The following RASGRP4 variants were observed in gnomAD, a reference collection of about 807,000 sequenced individuals.
The protein encoded by RASGRP4 is RAS guanyl-releasing protein 4.
Under a neutral mutation model 84.4 loss-of-function variants are expected in RASGRP4, and 52 were observed. That is an observed-to-expected ratio of 0.62 (90% CI 0.49 to 0.78). The LOEUF is 0.78. Among genes scored for constraint, RASGRP4 ranks in the 30% least tolerant of loss-of-function variants. The pLI is 0.00. For synonymous variants in RASGRP4, 356 were observed against 359.1 expected, an observed-to-expected ratio of 0.99 and a Z score of 0.10; for missense variants, 760 against 886.9, an observed-to-expected ratio of 0.86 and a Z score of 1.82.
In RASGRP4 at chr19:38,417,440, A is replaced by G. The variant is rs1347288986; in HGVS notation, c.838-272T>C. On this transcript the variant is annotated intron_variant, in intron 7 of 16. Transcript: ENST00000615439. This position sits in a 1 kb window ranked among gnomAD's most constrained non-coding sequence, Gnocchi z 5.1. Reference sequence around the variant, plus strand: ...ATCTGGGGAGACAGGAAGTACGAGAAGTTGGGCGGATTTGGGGAATAGACA... The same window carrying G: ...ATCTGGGGAGACAGGAAGTACGAGAGGTTGGGCGGATTTGGGGAATAGACA... Among the ~76,000 whole-genome samples, 1 of 152,106 alleles carries G rather than the reference A, an allele frequency of 6.6e-6. No individual in the cohort carries two copies. The highest frequency in any genetic ancestry group is 1.5e-5 in the Non-Finnish European group (1 of 68,016).
At chr19:38,425,316 G>A (rs1325333113) in intron 1 of RASGRP4, among the ~76,000 whole-genome samples, 1 of 152,156 alleles carries the variant, frequency 6.6e-6, no homozygotes, top group African/African-American at 2.4e-5. Context: ...GTCTCATTGA[G>A]TACTTACAGG....
At chr19:38,421,824 G>C in intron 2 of RASGRP4, 145 bp downstream of exon 2, 2 of 528,450 alleles carry the variant, frequency 3.8e-6, no homozygotes, top group Non-Finnish European at 6.6e-6. Flanking sequence ...AAGAAATGCA[G>C]GTGTTTCTGT....
chr19:38,424,559 A>G (rs1273037758), intron 1 of RASGRP4, among the ~76,000 whole-genome samples: 1 of 144,336 alleles, frequency 6.9e-6, no homozygotes, highest in Non-Finnish European at 1.5e-5. Flanking sequence ...AGCTGGGACT[A>G]CAGGTGTGCA....
chr19:38,412,777 C>A lies in RASGRP4; in HGVS notation c.1575G>T (p.Leu525=). The change falls in exon 13 of 17, where the codon CTG becomes CTT. Residue 525 remains leucine, a synonymous_variant. Transcript: ENST00000615439. The surrounding 1 kb of genome is among the most constrained non-coding windows in gnomAD (Gnocchi z 4.6). ...TGGAGCAGATGGCGCTGGCCCGGAGCAGGTACCCTGTCAGCTCCTCTCTGC... is the reference window on the plus strand; with the variant it reads ...TGGAGCAGATGGCGCTGGCCCGGAGAAGGTACCCTGTCAGCTCCTCTCTGC... The part of the protein sequence containing the change: ...SFSREELTGY[L]LRASAICSKL... The A allele has an allele frequency of 6.2e-7, 1 of 1,607,738 alleles. No individual in the cohort carries two copies. The highest frequency in any genetic ancestry group is 8.5e-7 in the Non-Finnish European group (1 of 1,176,990).
Position 38,417,002 on chromosome 19 carries a change from G to T in RASGRP4, c.954+50C>A. 2 of 1,101,262 alleles carry T rather than the reference G, an allele frequency of 1.8e-6. No homozygotes were observed. Among genetic ancestry groups the T allele is most frequent in the Admixed American group, 2.0e-5 (1 of 50,446 alleles). The allele number at this position is 1,101,262 out of a possible 1,614,324, so 68.2% of individuals were successfully genotyped here. A position where few individuals can be genotyped will look rare whatever the true frequency, so the allele number is the denominator to read the frequency against. ...AGGGCTTGGGGAATTAGGTGTGGGGGCTCAAGACAGCTGACCACTTGGAGC... is the reference window on the plus strand; with the variant it reads ...AGGGCTTGGGGAATTAGGTGTGGGGTCTCAAGACAGCTGACCACTTGGAGC... On this transcript the variant is annotated intron_variant, in intron 8 of 16. Coordinates refer to ENST00000615439, the MANE Select transcript of RASGRP4 (RefSeq NM_170604.3). This position sits in a 1 kb window ranked among gnomAD's most constrained non-coding sequence, Gnocchi z 5.1.
Position 38,409,135 on chromosome 19 carries a change from G to T in RASGRP4, c.*905C>A. 4 of 302,740 alleles carry T rather than the reference G, an allele frequency of 1.3e-5. No homozygotes were observed. The highest frequency in any genetic ancestry group is 2.4e-5 in the African/African-American group (1 of 41,784). The allele number at this position is 302,740 out of a possible 1,614,324, so 18.8% of individuals were successfully genotyped here. On this transcript the variant is annotated 3_prime_UTR_variant, in exon 17 of 17. Coordinates refer to ENST00000615439, the MANE Select transcript of RASGRP4 (RefSeq NM_170604.3). ...CCAAGTCAGGGGTGTTGGGGTTTGTGAAGGGGTTGGGGGGGTCTCTGCTCC... is the reference window on the plus strand; with the variant it reads ...CCAAGTCAGGGGTGTTGGGGTTTGTTAAGGGGTTGGGGGGGTCTCTGCTCC...
rs1477215248 is a variant in RASGRP4 at position 38,410,753 on chromosome 19, C to T, written c.1965+133G>A. 4 of 659,066 alleles carry T rather than the reference C, an allele frequency of 6.1e-6. No homozygotes were observed. In the Admixed American group the frequency reaches 1.0e-4, roughly 17 times the overall value. The allele number at this position is 659,066 out of a possible 1,614,324, so 40.8% of individuals were successfully genotyped here. A position where few individuals can be genotyped will look rare whatever the true frequency, so the allele number is the denominator to read the frequency against. On this transcript the variant is annotated intron_variant, in intron 16 of 16. Coordinates refer to ENST00000615439, the MANE Select transcript of RASGRP4 (RefSeq NM_170604.3). The stretch of plus-strand genomic sequence containing the variant: ...TATTAAAAAGTAACCAGTATCCATA[C>T]CCTCCTACCCCAGCAGTCAAGGACT...
Position 38,412,298 on chromosome 19 carries a change from A to G in RASGRP4, c.1680+374T>C, listed in dbSNP as rs1971295727. 1 of 187,270 alleles carries G rather than the reference A, an allele frequency of 5.3e-6. No homozygotes were observed. The highest frequency in any genetic ancestry group is 1.1e-5 in the Non-Finnish European group (1 of 88,960). 11.6% of individuals were successfully genotyped at this position (187,270 alleles called of 1,614,324 possible). On this transcript the variant is annotated intron_variant, in intron 13 of 16. Coordinates refer to ENST00000615439, the MANE Select transcript of RASGRP4 (RefSeq NM_170604.3). This position sits in a 1 kb window ranked among gnomAD's most constrained non-coding sequence, Gnocchi z 4.6. ...ACATGCAGCTAATTTTTGTATTTTT[A>G]GTAGAGACGGGGTCTCTCTTGCTAT...
Position 38,409,953 on chromosome 19 carries a change from A to G in RASGRP4, c.*87T>C. ...GGAAGGCGGATGCCTCTGGAGGCCT[A>G]CCTCTGGGAGCCCTGCCAGAGTCTG... On this transcript the variant is annotated 3_prime_UTR_variant, in exon 17 of 17. Coordinates refer to ENST00000615439, the MANE Select transcript of RASGRP4 (RefSeq NM_170604.3). The G allele has an allele frequency of 1.9e-6, 2 of 1,073,486 alleles. No individual in the cohort carries two copies. The highest frequency in any genetic ancestry group is 2.7e-6 in the Non-Finnish European group (2 of 729,406). The allele number at this position is 1,073,486 out of a possible 1,614,324, so 66.5% of individuals were successfully genotyped here.
rs147454395 is a variant in RASGRP4, at chr19:38,421,399, G to A, written c.209-199C>T. On this transcript the variant is annotated intron_variant, in intron 2 of 16. Transcript: ENST00000615439. ...CATGGGGCAGCATCACCCCTGGCAA[G>A]TCTTGCTGAAGATTGAAATAGCACC... Among the ~76,000 whole-genome samples, 589 of 152,310 alleles carry A rather than the reference G, an allele frequency of 3.9e-3. 5 individuals carry two copies. Among genetic ancestry groups the A allele is most frequent in the African/African-American group, 0.013 (540 of 41,572 alleles).
rs1418111611 is a variant in RASGRP4 at position 38,418,232 on chromosome 19, C to G, written c.837+159G>C. The stretch of plus-strand genomic sequence containing the variant: ...GACATCAAGGCCAAAGAAGAAGTTA[C>G]GGTCCTTGGTTGGAATGCCCAGGCT... On this transcript the variant is annotated intron_variant, in intron 7 of 16. Coordinates refer to ENST00000615439, the MANE Select transcript of RASGRP4 (RefSeq NM_170604.3). This position sits in a 1 kb window ranked among gnomAD's most constrained non-coding sequence, Gnocchi z 4.6. 6.6e-6 allele frequency among the ~76,000 whole-genome samples: 1 copy of G among 150,466 alleles called. No homozygotes were observed. Among genetic ancestry groups the G allele is most frequent in the Admixed American group, 6.6e-5 (1 of 15,166 alleles).
intron 5 of RASGRP4, 58 bp from the exon 6 acceptor site, chr19:38,420,071 T>G: frequency 6.2e-7 from 1 of 1,608,024 alleles, no homozygotes; most frequent in South Asian, 1.1e-5. Flanking sequence ...CTTGGGGATA[T>G]AGAGGGAGAT....
At chr19:38,424,312 G>T (rs1413675458) in intron 1 of RASGRP4, among the ~76,000 whole-genome samples, 4 of 152,146 alleles carry the variant, frequency 2.6e-5, no homozygotes, top group Middle Eastern at 3.4e-3. Flanking sequence ...TAGAAATGGG[G>T]TTTCACCATG....
At position 38,412,795 on chromosome 19, in the gene RASGRP4, C is replaced by T. The variant is rs1971319627; in HGVS notation, c.1557G>A (p.Glu519=). The change falls in exon 13 of 17, where the codon GAG becomes GAA. Residue 519 remains glutamate (E), a synonymous_variant. Coordinates refer to ENST00000615439, the MANE Select transcript of RASGRP4 (RefSeq NM_170604.3). This position sits in a 1 kb window ranked among gnomAD's most constrained non-coding sequence, Gnocchi z 4.6. The part of the protein sequence containing the change: ...PRQGRGSFSR[E]ELTGYLLRAS... ...CCCGGAGCAGGTACCCTGTCAGCTC[C>T]TCTCTGCTGAAGGATCCTCTCCTGG... 6.2e-7 allele frequency: 1 copy of T among 1,607,164 alleles called. No homozygotes were observed. Among genetic ancestry groups the T allele is most frequent in the Non-Finnish European group, 8.5e-7 (1 of 1,176,804 alleles).
intron 9 of RASGRP4, among the ~76,000 whole-genome samples, chr19:38,414,014 C>T (rs1424010443): frequency 4.6e-5 from 7 of 152,122 alleles, no homozygotes; most frequent in South Asian, 2.1e-4. Flanking sequence ...CTGCAACCTC[C>T]GCCTCCCAGG....
Position 38,422,078 on chromosome 19 carries a change from G to T in RASGRP4, c.99C>A (p.Cys33Ter). The change falls in exon 2 of 17, where the codon TGC becomes TGA. Residue 33 changes from cysteine to a stop codon, truncating the protein, a stop_gained. Coordinates refer to ENST00000615439, the MANE Select transcript of RASGRP4 (RefSeq NM_170604.3). LOFTEE classifies it high-confidence loss of function. Reference protein sequence around the residue: ...RPRQVRRHKTCPSPREISKVM... With the variant: ...RPRQVRRHKT ...CCTTGCTGATTTCCCGAGGGCTGGG[G>T]CATGTCTTGTGGCGGCGCACTTGGC... 1 of 1,613,752 alleles carries T rather than the reference G, an allele frequency of 6.2e-7. No individual in the cohort carries two copies.
At position 38,425,460 on chromosome 19, in the gene RASGRP4, T is replaced by G. The variant is rs141823739; in HGVS notation, c.23+609A>C. On this transcript the variant is annotated intron_variant, in intron 1 of 16. Transcript: ENST00000615439. ...AGGAGTCTACCACTAAACTGCTGGG[T>G]GGGGAGGAAAGCCCTTTGCCCATCA... Among the ~76,000 whole-genome samples the G allele has an allele frequency of 2.2e-3, 340 of 152,108 alleles. 2 individuals are homozygous for G. The highest frequency in any genetic ancestry group is 7.3e-3 in the African/African-American group (304 of 41,486).
chr19:38,409,941 C>G lies in RASGRP4; in HGVS notation c.*99G>C, dbSNP rs968213778. 3.1e-5 allele frequency: 28 copies of G among 897,204 alleles called. No individual in the cohort carries two copies. The Admixed American group carries it at 5.6e-4, about 18-fold the overall frequency. The allele number at this position is 897,204 out of a possible 1,614,324, so 55.6% of individuals were successfully genotyped here. A position where few individuals can be genotyped will look rare whatever the true frequency, so the allele number is the denominator to read the frequency against. On this transcript the variant is annotated 3_prime_UTR_variant, in exon 17 of 17. Coordinates refer to ENST00000615439, the MANE Select transcript of RASGRP4 (RefSeq NM_170604.3). ...GCAGTGTGGATGGGAAGGCGGATGC[C>G]TCTGGAGGCCTACCTCTGGGAGCCC...
chr19:38,417,306 G>A lies in RASGRP4; in HGVS notation c.838-138C>T, dbSNP rs1207798910. On this transcript the variant is annotated intron_variant, in intron 7 of 16. Transcript: ENST00000615439. This position sits in a 1 kb window ranked among gnomAD's most constrained non-coding sequence, Gnocchi z 5.1. ...GGATCAGACAGGTGAGAGAAGGCGG[G>A]TGTGTGCGGCAAGAGTGGGACATGC... 3 of 656,392 alleles carry A rather than the reference G, an allele frequency of 4.6e-6. No homozygotes were observed. In the African/African-American group the frequency reaches 5.3e-5, roughly 12 times the overall value. 40.7% of individuals were successfully genotyped at this position (656,392 alleles called of 1,614,324 possible). A position where few individuals can be genotyped will look rare whatever the true frequency, so the allele number is the denominator to read the frequency against.
Sources: gnomAD v4.1 joint callset for allele counts (sites outside exome capture counted in the v4.1 genomes callset) on GRCh38, gnomAD v4.1.1 for gene constraint, Gnocchi (gnomAD v3.1) non-coding constraint, MANE v1.5 for transcripts, NCBI Gene and HGNC (gene_info 2026-07-23, HGNC 2026-07-21) for gene names.